Variants in RHBDL2 observed in about 807,000 individuals in gnomAD.
The protein encoded by RHBDL2 is rhomboid like 2.
Under a neutral mutation model 31.7 loss-of-function variants are expected in RHBDL2, and 26 were observed. That is an observed-to-expected ratio of 0.82 (90% CI 0.60 to 1.14). The LOEUF is 1.14. Among genes scored for constraint, RHBDL2 ranks in the 50% most tolerant of loss-of-function variants. The pLI, the probability that RHBDL2 is intolerant of heterozygous loss-of-function variation, is 0.00. For missense variants in RHBDL2, 336 were observed against 364.4 expected (o/e 0.92, Z 0.63); for synonymous variants, 123 against 127.2 (o/e 0.97, Z 0.22).
In RHBDL2 at chr1:38,919,077, G is replaced by A; in HGVS notation, c.136C>T (p.His46Tyr). 6.2e-7 allele frequency: 1 copy of A among 1,614,080 alleles called. No homozygotes were observed. The change falls in exon 2 of 8, where the codon CAC becomes TAC. Residue 46 changes from histidine to tyrosine, a missense_variant. Transcript: ENST00000372990. ...AGCATCCATTTTGAGACAATCCTGT[G>A]GACCTTTTTACTCTTGGCCCGATCT... ...GKDRAKSKKV[H>Y]RIVSKWMLPE...
At chr1:38,930,217 C>T (rs920212386) in intron 1 of RHBDL2, among the ~76,000 whole-genome samples, 4 of 152,192 alleles carry the variant, frequency 2.6e-5, no homozygotes, top group Non-Finnish European at 4.4e-5. Context: ...TCAAGTCCTT[C>T]CCATTCAAAG....
chr1:38,894,290 G>A (rs1394236745), intron 5 of RHBDL2, among the ~76,000 whole-genome samples: 1 of 152,022 alleles, frequency 6.6e-6, no homozygotes, highest in African/African-American at 2.4e-5. Flanking sequence ...TTTTATAATT[G>A]CTTTACACTT....
chr1:38,899,762 G>T (rs186738396), intron 4 of RHBDL2, among the ~76,000 whole-genome samples: 1 of 152,372 alleles, frequency 6.6e-6, no homozygotes, highest in South Asian at 2.1e-4. Flanking sequence ...GAGCTGAGCT[G>T]CTGTGTTCCT....
chr1:38,925,323 C>T (rs759191081), intron 1 of RHBDL2, among the ~76,000 whole-genome samples: 3 of 151,944 alleles, frequency 2.0e-5, no homozygotes, highest in Non-Finnish European at 2.9e-5. Context: ...CATGGTGAAA[C>T]CCTGTCTCTA....
intron 1 of RHBDL2, among the ~76,000 whole-genome samples, chr1:38,920,986 A>G (rs1397760419): frequency 6.6e-6 from 1 of 152,122 alleles, no homozygotes; most frequent in Non-Finnish European, 1.5e-5. Flanking sequence ...GCTGGGTCAT[A>G]TGGTAATTAA....
intron 3 of RHBDL2, among the ~76,000 whole-genome samples, chr1:38,912,912 G>A (rs6600453): frequency 0.14 from 4,143 of 29,546 alleles, 82 homozygotes; most frequent in South Asian, 0.19. Flanking sequence ...ATATATATAT[G>A]TGTGTGTGTG....
Position 38,934,720 on chromosome 1 carries a change from G to C in RHBDL2, c.-126+6962C>G, listed in dbSNP as rs189554862. ...CACTTATAATCCCAGCATTTTGGGGGGCCGAGGCGGGCAGATCACGAGGTC... is the reference window on the plus strand; with the variant it reads ...CACTTATAATCCCAGCATTTTGGGGCGCCGAGGCGGGCAGATCACGAGGTC... On this transcript the variant is annotated intron_variant, in intron 1 of 7. Transcript: ENST00000372990. Among the ~76,000 whole-genome samples the C allele has an allele frequency of 8.6e-4, 129 of 150,738 alleles. 2 individuals are homozygous for C. The East Asian group carries it at 0.02, about 23-fold the overall frequency.
chr1:38,940,017 C>A (rs1643546360), intron 1 of RHBDL2, among the ~76,000 whole-genome samples: 1 of 152,016 alleles, frequency 6.6e-6, no homozygotes, highest in Admixed American at 6.6e-5. Context: ...CAGCAAGCAC[C>A]AGAGCAAAAA....
chr1:38,938,257 C>T (rs898664503), intron 1 of RHBDL2, among the ~76,000 whole-genome samples: 7 of 151,994 alleles, frequency 4.6e-5, no homozygotes, highest in Admixed American at 1.3e-4. Context: ...CCTTGTGATC[C>T]GCCCGCCTCG....
rs769029740 is a variant in RHBDL2 at position 38,919,343 on chromosome 1, T to C, written c.-125-6A>G. On this transcript the variant is annotated splice_polypyrimidine_tract_variant and splice_region_variant and intron_variant, in intron 1 of 7. Coordinates refer to ENST00000372990, the MANE Select transcript of RHBDL2 (RefSeq NM_017821.5). The stretch of plus-strand genomic sequence containing the variant: ...ACTGCTTTCCAAGGCCTTTCCTGTA[T>C]GTGAAGAGAAGACAGCTGAAGATGA... 3.2e-6 allele frequency: 5 copies of C among 1,579,328 alleles called. No homozygotes were observed. In the African/African-American group the frequency reaches 5.4e-5, roughly 17 times the overall value.
intron 4 of RHBDL2, among the ~76,000 whole-genome samples, 167 bp downstream of exon 4, chr1:38,911,155 G>A (rs1275717705): frequency 2.0e-5 from 3 of 152,090 alleles, no homozygotes; most frequent in Admixed American, 2.0e-4. Context: ...TTTGCTTGCT[G>A]ATAGTATCTC....
At chr1:38,914,566 T>G (rs1363064179) in intron 3 of RHBDL2, among the ~76,000 whole-genome samples, 1 of 151,974 alleles carries the variant, frequency 6.6e-6, no homozygotes, top group South Asian at 2.1e-4. Context: ...GTTTGATGTA[T>G]GATGGTGGAG....
chr1:38,908,048 A>C (rs1324195551), intron 4 of RHBDL2, among the ~76,000 whole-genome samples: 2 of 152,078 alleles, frequency 1.3e-5, no homozygotes, highest in Admixed American at 6.6e-5. Flanking sequence ...CAGTTAAAAA[A>C]AGTTAGAAAA....
chr1:38,927,475 G>A (rs1270763251), intron 1 of RHBDL2, among the ~76,000 whole-genome samples: 3 of 152,092 alleles, frequency 2.0e-5, no homozygotes, highest in Non-Finnish European at 4.4e-5. Context: ...TCCTCTGCAA[G>A]GCCGCACCAC....
At chr1:38,939,867 G>C (rs904964599) in intron 1 of RHBDL2, among the ~76,000 whole-genome samples, 2 of 151,870 alleles carry the variant, frequency 1.3e-5, no homozygotes, top group Admixed American at 6.6e-5. Context: ...TTTTGAGACA[G>C]GGTCTCGCTT....
chr1:38,907,607 C>T (rs1421020085), intron 4 of RHBDL2, among the ~76,000 whole-genome samples: 3 of 152,114 alleles, frequency 2.0e-5, no homozygotes, highest in Non-Finnish European at 4.4e-5. Context: ...GTGGCTCATG[C>T]CTGTAATCCC....
At chr1:38,895,848 C>T in intron 5 of RHBDL2, 121 bp downstream of exon 5, 1 of 656,694 alleles carries the variant, frequency 1.5e-6, no homozygotes, top group Non-Finnish European at 2.7e-6. Flanking sequence ...CATTGCCATA[C>T]AATTCTCAGA....
intron 4 of RHBDL2, among the ~76,000 whole-genome samples, chr1:38,900,337 CT>C (rs1056515156): frequency 6.6e-6 from 1 of 151,980 alleles, no homozygotes; most frequent in Admixed American, 6.6e-5. Flanking sequence ...CAAGAACCCC[CT>C]GGGCCGAGTG....
intron 3 of RHBDL2, among the ~76,000 whole-genome samples, 168 bp from the exon 4 acceptor site, chr1:38,911,602 CTG>C (rs56978792): frequency 0.017 from 2,369 of 142,218 alleles, 62 homozygotes; most frequent in East Asian, 0.15. Flanking sequence ...TTTCTTTTTT[CTG>C]TGTGTGTGTG....
Sources: gnomAD v4.1 joint callset for allele counts (sites outside exome capture counted in the v4.1 genomes callset) on GRCh38, gnomAD v4.1.1 for gene constraint, MANE v1.5 for transcripts, NCBI Gene and HGNC (gene_info 2026-07-23, HGNC 2026-07-21) for gene names.